Variants in PCDH15 observed in about 807,000 individuals in gnomAD.
PCDH15 encodes protocadherin-15.
In PCDH15, 129 loss-of-function variants were observed where a neutral mutation model predicts 178.5. The observed-to-expected ratio is 0.72, with a 90% CI of 0.63 to 0.84. The LOEUF is 0.84. PCDH15 is among the 40% of genes least tolerant of loss of function. The pLI, the probability that PCDH15 is intolerant of heterozygous loss-of-function variation, is 0.00. For synonymous variants in PCDH15, 800 were observed against 732.0 expected (o/e 1.09, Z -1.50); for missense variants, 2,230 against 2,099.9 (o/e 1.06, Z -1.21).
intron 6 of PCDH15, among the ~76,000 whole-genome samples, chr10:54,337,700 T>A (rs1379437564): frequency 6.6e-6 from 1 of 152,150 alleles, no homozygotes; most frequent in African/African-American, 2.4e-5. Flanking sequence ...TGACAGAAAC[T>A]TCTGGTTTGG....
chr10:54,406,951 A>G (rs1326999488), intron 3 of PCDH15, among the ~76,000 whole-genome samples: 2 of 152,168 alleles, frequency 1.3e-5, no homozygotes, highest in Non-Finnish European at 2.9e-5. Flanking sequence ...ATTAATTATA[A>G]ACTGGAAGAA....
chr10:53,868,085 T>A (rs2079577187), intron 26 of PCDH15, among the ~76,000 whole-genome samples: 1 of 152,088 alleles, frequency 6.6e-6, no homozygotes, highest in South Asian at 2.1e-4. Flanking sequence ...GAATGTCTAT[T>A]TCAGAACCAT....
At chr10:54,564,767 G>T (rs958140398) in intron 2 of PCDH15, among the ~76,000 whole-genome samples, 2 of 151,950 alleles carry the variant, frequency 1.3e-5, no homozygotes, top group Non-Finnish European at 2.9e-5. Flanking sequence ...CTATCTCTTT[G>T]TATTGTTATA....
At chr10:55,002,563 A>C (rs1005753067) in intron 2 of PCDH15, among the ~76,000 whole-genome samples, 1 of 14,216 alleles carries the variant, frequency 7.0e-5, no homozygotes, top group Admixed American at 7.9e-4. Context: ...GTTAGAGAGA[A>C]TGATAGGACT....
intron 3 of PCDH15, among the ~76,000 whole-genome samples, chr10:54,852,889 T>A (rs55788908): frequency 1.1e-4 from 12 of 109,768 alleles, no homozygotes; most frequent in Middle Eastern, 4.5e-3. Context: ...ATAAAATAAA[T>A]TAAAATAAAA....
At chr10:55,144,435 C>A (rs181482083) in intron 2 of PCDH15, among the ~76,000 whole-genome samples, 12 of 152,066 alleles carry the variant, frequency 7.9e-5, no homozygotes, top group Admixed American at 3.3e-4. Context: ...TGTTAGGAAG[C>A]CTAATTAGGG....
At chr10:53,992,186 C>T (rs186997103) in intron 21 of PCDH15, among the ~76,000 whole-genome samples, 9 of 152,264 alleles carry the variant, frequency 5.9e-5, no homozygotes, top group Admixed American at 3.3e-4. Flanking sequence ...AGCTGTAACA[C>T]TCACTGCAAA....
At chr10:54,268,845 G>A (rs2057868181) in intron 8 of PCDH15, among the ~76,000 whole-genome samples, 1 of 151,782 alleles carries the variant, frequency 6.6e-6, no homozygotes, top group African/African-American at 2.4e-5. Context: ...GATATTTTTT[G>A]ATGAACAGGA....
chr10:55,322,717 T>A (rs1843930122), upstream of PCDH15, among the ~76,000 whole-genome samples: 1 of 151,040 alleles, frequency 6.6e-6, no homozygotes, highest in Admixed American at 6.6e-5. Context: ...ATTTAGGGTA[T>A]CTGGCAGAAG....
intron 2 of PCDH15, among the ~76,000 whole-genome samples, chr10:55,539,171 C>A (rs1488488992): frequency 6.6e-6 from 1 of 151,830 alleles, no homozygotes; most frequent in Non-Finnish European, 1.5e-5. Context: ...TTCCCTCAAA[C>A]ACTAACTCAT....
intron 2 of PCDH15, among the ~76,000 whole-genome samples, chr10:54,659,403 C>CA (rs2094456210): frequency 6.6e-6 from 1 of 151,920 alleles, no homozygotes; most frequent in Non-Finnish European, 1.5e-5. Flanking sequence ...TCAATAATTT[C>CA]AAAAAAATCA....
At chr10:53,883,814 C>G (rs186074895) in intron 26 of PCDH15, among the ~76,000 whole-genome samples, 3 of 152,294 alleles carry the variant, frequency 2.0e-5, no homozygotes, top group East Asian at 3.9e-4. Flanking sequence ...CTCCCAGGTT[C>G]AAGCGATTCT....
chr10:55,166,978 T>C (rs1055155664), intron 1 of PCDH15, among the ~76,000 whole-genome samples: 6 of 152,170 alleles, frequency 3.9e-5, no homozygotes, highest in African/African-American at 1.4e-4. Flanking sequence ...ATTTCACCAG[T>C]CTTAACAACG....
chr10:55,338,770 C>T (rs1838868516), intron 2 of PCDH15, among the ~76,000 whole-genome samples: 1 of 151,982 alleles, frequency 6.6e-6, no homozygotes, highest in South Asian at 2.1e-4. Context: ...GACTGAGACT[C>T]CATCTCAAAA....
chr10:55,085,322 C>G (rs1842140691), intron 2 of PCDH15, among the ~76,000 whole-genome samples: 1 of 151,870 alleles, frequency 6.6e-6, no homozygotes, highest in African/African-American at 2.4e-5. Context: ...CAATTGAACT[C>G]ATGGAGACAG....
At chr10:54,004,330 A>G (rs1170075777) in intron 20 of PCDH15, among the ~76,000 whole-genome samples, 1 of 151,742 alleles carries the variant, frequency 6.6e-6, no homozygotes, top group Non-Finnish European at 1.5e-5. Context: ...CTAAATTGGA[A>G]AGGAAGAAGT....
chr10:53,971,688 A>G (rs2089702190), intron 21 of PCDH15, among the ~76,000 whole-genome samples: 1 of 152,186 alleles, frequency 6.6e-6, no homozygotes, highest in African/African-American at 2.4e-5. Context: ...CCCATTCACA[A>G]TTGCTTCAAA....
At chr10:54,608,131 G>C (rs754190822) in intron 2 of PCDH15, among the ~76,000 whole-genome samples, 1 of 151,728 alleles carries the variant, frequency 6.6e-6, no homozygotes, top group Middle Eastern at 3.4e-3. Flanking sequence ...GGGGATTTCC[G>C]AGCAAAAAAA....
intron 8 of PCDH15, among the ~76,000 whole-genome samples, chr10:54,316,171 A>T (rs2061255345): frequency 6.6e-6 from 1 of 151,972 alleles, no homozygotes; most frequent in Non-Finnish European, 1.5e-5. Flanking sequence ...TTATTCATGC[A>T]AGTTAACTGG....
Sources: gnomAD v4.1 joint callset for allele counts (sites outside exome capture counted in the v4.1 genomes callset) on GRCh38, gnomAD v4.1.1 for gene constraint, MANE v1.5 for transcripts, NCBI Gene and HGNC (gene_info 2026-07-23, HGNC 2026-07-21) for gene names.